Variants in ASPSCR1 observed in about 807,000 individuals in gnomAD.
ASPSCR1 encodes the protein tether containing UBX domain for GLUT4.
In ASPSCR1, 55 loss-of-function variants were observed where a neutral mutation model predicts 68.9. That is an observed-to-expected ratio of 0.80 (90% CI 0.64 to 1.00). The LOEUF (loss-of-function observed/expected upper bound fraction) is 1.00. ASPSCR1 is among the 50% of genes least tolerant of loss of function. The probability of loss-of-function intolerance (pLI) is 0.00; values close to 1 mark genes in which losing one functional copy is unlikely to be tolerated. For missense variants in ASPSCR1, 765 were observed against 762.2 expected (o/e 1.00, Z -0.04); for synonymous variants, 352 against 332.6 (o/e 1.06, Z -0.63).
chr17:81,999,243 C>T lies in ASPSCR1; in HGVS notation c.933+2397C>T, dbSNP rs940448886. On this transcript the variant is annotated intron_variant, in intron 7 of 15. Coordinates refer to ENST00000306739, the MANE Select transcript of ASPSCR1 (RefSeq NM_024083.4). This position sits in a 1 kb window ranked among gnomAD's most constrained non-coding sequence, Gnocchi z 4.4. ...AGGCTGCCAGCTGCCAGCCACAGCC[C>T]AGGGGCCAGGTCAGAGCTTCTTGAG... Among the ~76,000 whole-genome samples, 3 of 152,228 alleles carry T rather than the reference C, an allele frequency of 2.0e-5. No individual in the cohort carries two copies. The highest frequency in any genetic ancestry group is 7.2e-5 in the African/African-American group (3 of 41,456).
chr17:81,997,105 C>CGCTCCGGGATGAGGCCGCGTGG (rs2042373264), intron 7 of ASPSCR1, among the ~76,000 whole-genome samples: 1 of 144,178 alleles, frequency 6.9e-6, no homozygotes, highest in Admixed American at 6.8e-5. Context: ...AGGCCGTGTC[C>CGCTCCGGGATGAGGCCGCGTGG]GCTCCGGGAT....
At chr17:82,016,683 G>A in intron 13 of ASPSCR1, 117 bp from the exon 14 acceptor site, 2 of 1,449,160 alleles carry the variant, frequency 1.4e-6, no homozygotes, top group Non-Finnish European at 1.9e-6. Flanking sequence ...GAGAGGACTG[G>A]GACAGCCACC....
At position 81,986,134 on chromosome 17, in the gene ASPSCR1, T is replaced by C. The variant is rs1451673526; in HGVS notation, c.374+527T>C. ...ATCTTCCTAATAGTAATTGGATGGC[T>C]GGGCACAGTGGCTGGGCACAGTGGC... On this transcript the variant is annotated intron_variant, in intron 4 of 15. Coordinates refer to ENST00000306739, the MANE Select transcript of ASPSCR1 (RefSeq NM_024083.4). This position sits in a 1 kb window ranked among gnomAD's most constrained non-coding sequence, Gnocchi z 5.2. Among the ~76,000 whole-genome samples, 1 of 151,006 alleles carries C rather than the reference T, an allele frequency of 6.6e-6. No homozygotes were observed.
At chr17:82,000,117 CT>C (rs1344719608) in intron 7 of ASPSCR1, among the ~76,000 whole-genome samples, 1 of 152,260 alleles carries the variant, frequency 6.6e-6, no homozygotes, top group Non-Finnish European at 1.5e-5. Flanking sequence ...GGCTGACCCC[CT>C]CTAGGCCTGC....
chr17:81,981,794 G>A (rs1464347685), intron 2 of ASPSCR1, among the ~76,000 whole-genome samples: 6 of 151,904 alleles, frequency 3.9e-5, no homozygotes, highest in Admixed American at 3.3e-4. Flanking sequence ...TCAGCGTCTT[G>A]AGTAGCTGGA....
At chr17:82,009,289 C>A (rs539383731) in intron 8 of ASPSCR1, 98 bp downstream of exon 8, 183 of 1,454,642 alleles carry the variant, frequency 1.3e-4, no homozygotes, top group Non-Finnish European at 1.6e-4. Flanking sequence ...CACTGGCTCC[C>A]GGCCCAGGTC....
rs375859557 is a variant in ASPSCR1 at position 81,990,494 on chromosome 17, T to C, written c.375-4327T>C. Among the ~76,000 whole-genome samples the C allele has an allele frequency of 1.3e-5, 2 of 150,906 alleles. No homozygotes were observed. Among genetic ancestry groups the C allele is most frequent in the South Asian group, 2.1e-4 (1 of 4,768 alleles). ...TGCCTGGTGGGCCTGTGTCTGAGTT[T>C]GGGATCTTCCACGCCGAGCTCTGGG... On this transcript the variant is annotated intron_variant, in intron 4 of 15. Coordinates refer to ENST00000306739, the MANE Select transcript of ASPSCR1 (RefSeq NM_024083.4). This position sits in a 1 kb window ranked among gnomAD's most constrained non-coding sequence, Gnocchi z 4.1.
At position 81,991,102 on chromosome 17, in the gene ASPSCR1, A is replaced by G. The variant is rs139148000; in HGVS notation, c.375-3719A>G. Among the ~76,000 whole-genome samples, 130 of 152,306 alleles carry G rather than the reference A, an allele frequency of 8.5e-4. 1 individual carries two copies. Among genetic ancestry groups the G allele is most frequent in the Admixed American group, 1.7e-3 (26 of 15,304 alleles). ...AAGGGTGAGCCGTGGGAACTCACAC[A>G]GCAGCTGAGCCGCTTTCCATCTGAA... is the stretch of plus-strand genomic sequence containing the variant. On this transcript the variant is annotated intron_variant, in intron 4 of 15. Transcript: ENST00000306739.
At position 82,017,001 on chromosome 17, in the gene ASPSCR1, G is replaced by A; in HGVS notation, c.1536G>A (p.Lys512=). The A allele has an allele frequency of 6.2e-7, 1 of 1,612,630 alleles. No individual in the cohort carries two copies. The highest frequency in any genetic ancestry group is 1.1e-5 in the South Asian group (1 of 91,058). ...TGCCAGCCCCTGACCCTGCACCTAA[G>A]TCTGAGCCAGCTGCTGAGGAGGGGG... The part of the protein sequence containing the change: ...SPLPAPDPAP[K]SEPAAEEGAL... The change falls in exon 15 of 16, where the codon AAG becomes AAA. Residue 512 remains lysine (K), a synonymous_variant. Coordinates refer to ENST00000306739, the MANE Select transcript of ASPSCR1 (RefSeq NM_024083.4).
chr17:82,008,889 T>C, intron 7 of ASPSCR1, 148 bp from the exon 8 acceptor site: 1 of 1,150,620 alleles, frequency 8.7e-7, no homozygotes, highest in Non-Finnish European at 1.2e-6. Context: ...CCCCAGGACC[T>C]GGCCTTGGCC....
At chr17:82,014,462 C>G (rs531690151) in intron 12 of ASPSCR1, 1 of 156,432 alleles carries the variant, frequency 6.4e-6, no homozygotes, top group African/African-American at 2.4e-5. Flanking sequence ...TTCTCTCTCC[C>G]GGGCACCGTG....
At chr17:81,985,963 C>T (rs1318089584) in intron 4 of ASPSCR1, among the ~76,000 whole-genome samples, 2 of 152,074 alleles carry the variant, frequency 1.3e-5, no homozygotes, top group Non-Finnish European at 2.9e-5. Flanking sequence ...TGGATGGGAT[C>T]ATAAGGTCTC....
chr17:82,012,305 G>A, intron 12 of ASPSCR1, 22 bp downstream of exon 12: 3 of 1,611,624 alleles, frequency 1.9e-6, no homozygotes, highest in East Asian at 2.2e-5. Context: ...CCTCCCTGGG[G>A]TGCTGCGGGG....
In ASPSCR1 at chr17:82,001,308, A is replaced by G. The variant is rs763937377; in HGVS notation, c.933+4462A>G. ...CCCCTGGACCCTGACGCCGGGCTAG[A>G]CAGGAGCCCCCACATCCGACGCGGT... is the stretch of plus-strand genomic sequence containing the variant. On this transcript the variant is annotated intron_variant, in intron 7 of 15. Transcript: ENST00000306739. Among the ~76,000 whole-genome samples, 145 of 152,076 alleles carry G rather than the reference A, an allele frequency of 9.5e-4. 1 individual carries two copies. Among genetic ancestry groups the G allele is most frequent in the Non-Finnish European group, 1.8e-3 (125 of 67,984 alleles).
At chr17:81,995,037 C>T (rs2042291984) in intron 5 of ASPSCR1, 159 bp downstream of exon 5, 2 of 805,306 alleles carry the variant, frequency 2.5e-6, no homozygotes, top group South Asian at 2.0e-5. Context: ...GTGGCCGGCC[C>T]TCGGAGCCCG....
In ASPSCR1 at chr17:82,016,948, T is replaced by G; in HGVS notation, c.1483T>G (p.Ser495Ala). ...GTCTTCGCCTCCCCACAGGTACATG[T>G]CCAGGGCCGCCGGGTCCCCTTCCCC... ...AADVLVARYM[S>A]RAAGSPSPLP... The change falls in exon 15 of 16, where the codon TCC becomes GCC. Residue 495 changes from serine (S) to alanine (A), a missense_variant. Physicochemically the swap from Ser to Ala is moderately conservative, Grantham distance 99. Transcript: ENST00000306739. The G allele has an allele frequency of 3.7e-6, 6 of 1,611,706 alleles. No individual in the cohort carries two copies. The highest frequency in any genetic ancestry group is 5.1e-6 in the Non-Finnish European group (6 of 1,179,248).
chr17:81,984,734 G>A (rs1412847595), intron 3 of ASPSCR1, among the ~76,000 whole-genome samples: 3 of 151,764 alleles, frequency 2.0e-5, no homozygotes, highest in Non-Finnish European at 4.4e-5. Flanking sequence ...CACGAGGACT[G>A]TCTCCAACAC....
intron 9 of ASPSCR1, chr17:82,010,158 G>A: frequency 3.9e-6 from 1 of 258,456 alleles, no homozygotes; most frequent in Non-Finnish European, 7.7e-6. Flanking sequence ...CTGACCTCAG[G>A]TGATCTGCCC....
At position 82,004,991 on chromosome 17, in the gene ASPSCR1, G is replaced by A. The variant is rs576840316; in HGVS notation, c.934-4046G>A. The A allele has an allele frequency of 3.3e-5, 5 of 152,530 alleles. No homozygotes were observed. In the East Asian group the frequency reaches 5.8e-4, roughly 18 times the overall value. The allele number at this position is 152,530 out of a possible 1,614,324, so 9.4% of individuals were successfully genotyped here. On this transcript the variant is annotated intron_variant, in intron 7 of 15. Coordinates refer to ENST00000306739, the MANE Select transcript of ASPSCR1 (RefSeq NM_024083.4). ...CTGCGACCTGCTGCCCGGGGCCGGG[G>A]GTCTGGGCCTCTTTGCATCGGCTCA...
Sources: allele counts gnomAD v4.1 joint callset (sites outside exome capture counted in the v4.1 genomes callset), GRCh38; gene constraint gnomAD v4.1.1; non-coding constraint Gnocchi (gnomAD v3.1); transcripts MANE v1.5; gene names NCBI Gene and HGNC (gene_info 2026-07-23, HGNC 2026-07-21).